The following JUN variants were observed in gnomAD, a reference collection of about 807,000 sequenced individuals.
The protein encoded by JUN is Jun proto-oncogene, AP-1 transcription factor subunit.
JUN carries 7 observed loss-of-function variants against 19.7 expected under a neutral mutation model. The observed-to-expected ratio is 0.36, with a 90% confidence interval of 0.20 to 0.67. The LOEUF (loss-of-function observed/expected upper bound fraction) is 0.67. Ranked by LOEUF, JUN falls within the 30% of genes least tolerant of loss-of-function variation. JUN has a pLI of 0.64. For synonymous variants in JUN, 246 were observed against 206.9 expected (o/e 1.19, Z -1.62); for missense variants, 373 against 451.0 (o/e 0.83, Z 1.57).
At position 58,783,153 on chromosome 1, in the gene JUN, G is replaced by T; in HGVS notation, c.-83C>A. On this transcript the variant is annotated 5_prime_UTR_variant, in exon 1 of 1. Transcript: ENST00000371222. ...CCGCAACAGGGCTGTGGCAAGCGGGGGACACCCGCGCCCCCCGGAGCCTTT... is the reference window on the plus strand; with the variant it reads ...CCGCAACAGGGCTGTGGCAAGCGGGTGACACCCGCGCCCCCCGGAGCCTTT... 1 of 1,526,552 alleles carries T rather than the reference G, an allele frequency of 6.6e-7. No homozygotes were observed. The highest frequency in any genetic ancestry group is 2.3e-5 in the East Asian group (1 of 43,998). 94.6% of individuals were successfully genotyped at this position (1,526,552 alleles called of 1,614,324 possible).
chr1:58,783,854 C>T lies in JUN; in HGVS notation c.-784G>A, dbSNP rs1011769136. 3 of 248,154 alleles carry T rather than the reference C, an allele frequency of 1.2e-5. No individual in the cohort carries two copies. The highest frequency in any genetic ancestry group is 6.6e-5 in the African/African-American group (3 of 45,358). The allele number at this position is 248,154 out of a possible 1,614,324, so 15.4% of individuals were successfully genotyped here. On this transcript the variant is annotated 5_prime_UTR_variant, in exon 1 of 1. Transcript: ENST00000371222. Reference sequence around the variant, plus strand: ...GCGGCTGGAGACCAGGCTCTCTGGACACTCCCGAAACACCAGCCCGGGAGC... The same window carrying T: ...GCGGCTGGAGACCAGGCTCTCTGGATACTCCCGAAACACCAGCCCGGGAGC...
In JUN at chr1:58,782,892, A is replaced by T. The variant is rs1434946325; in HGVS notation, c.179T>A (p.Leu60His). Residue 60 changes from leucine to histidine, a missense_variant, in exon 1 of 1, where the codon CTC becomes CAC. Around this residue, in one of 4 missense-constraint regions of JUN, gnomAD observed 113 missense variants for 136.9 expected, o/e 0.83. Transcript: ENST00000371222. This position sits in a 1 kb window ranked among gnomAD's most constrained non-coding sequence, Gnocchi z 8.7. Reference protein sequence around the residue: ...KPHLRAKNSDLLTSPDVGLLK... With the variant: ...KPHLRAKNSDHLTSPDVGLLK... Reference sequence around the variant, plus strand: ...CAGCCCCACGTCGGGCGAGGTGAGGAGGTCCGAGTTCTTGGCGCGGAGGTG... The same window carrying T: ...CAGCCCCACGTCGGGCGAGGTGAGGTGGTCCGAGTTCTTGGCGCGGAGGTG... 1.9e-6 allele frequency: 3 copies of T among 1,614,136 alleles called. No individual in the cohort carries two copies. The highest frequency in any genetic ancestry group is 2.5e-6 in the Non-Finnish European group (3 of 1,180,022).
Position 58,783,127 on chromosome 1 carries a change from G to T in JUN, c.-57C>A. ...TTGGGCTGCGCGCACAAGTTTCGGGGCCGCAACAGGGCTGTGGCAAGCGGG... is the reference window on the plus strand; with the variant it reads ...TTGGGCTGCGCGCACAAGTTTCGGGTCCGCAACAGGGCTGTGGCAAGCGGG... On this transcript the variant is annotated 5_prime_UTR_variant, in exon 1 of 1. Coordinates refer to ENST00000371222, the MANE Select transcript of JUN (RefSeq NM_002228.4). 1 of 1,562,606 alleles carries T rather than the reference G, an allele frequency of 6.4e-7. No individual in the cohort carries two copies. The highest frequency in any genetic ancestry group is 1.2e-5 in the South Asian group (1 of 83,768).
In JUN at chr1:58,783,415, C is replaced by A. The variant is rs1414195003; in HGVS notation, c.-345G>T. 3 of 344,906 alleles carry A rather than the reference C, an allele frequency of 8.7e-6. No individual in the cohort carries two copies. Among genetic ancestry groups the A allele is most frequent in the African/African-American group, 2.0e-5 (1 of 49,438 alleles). The allele number at this position is 344,906 out of a possible 1,614,324, so 21.4% of individuals were successfully genotyped here. On this transcript the variant is annotated 5_prime_UTR_variant, in exon 1 of 1. Coordinates refer to ENST00000371222, the MANE Select transcript of JUN (RefSeq NM_002228.4). Reference sequence around the variant, plus strand: ...ACTCACTTCCCAGAGCAGCGGCTCTCCCCGCGGAGCGGATCAGTGCGGACC... The same window carrying A: ...ACTCACTTCCCAGAGCAGCGGCTCTACCCGCGGAGCGGATCAGTGCGGACC...
chr1:58,783,050 C>G lies in JUN; in HGVS notation c.21G>C (p.Thr7=). MTAKME[T]TFYDDALNAS... ...CGTTGAGGGCATCGTCATAGAAGGT[C>G]GTTTCCATCTTTGCAGTCATAGAAC... Residue 7 remains threonine, a synonymous_variant, in exon 1 of 1, where the codon ACG becomes ACC. Transcript: ENST00000371222. 6.2e-7 allele frequency: 1 copy of G among 1,613,904 alleles called. No individual in the cohort carries two copies. Among genetic ancestry groups the G allele is most frequent in the South Asian group, 1.1e-5 (1 of 91,034 alleles).
rs186820812 is a variant in JUN at position 58,782,876 on chromosome 1, G to A, written c.195C>T (p.Asp65=). Residue 65 remains aspartate, a synonymous_variant, in exon 1 of 1, where the codon GAC becomes GAT. Transcript: ENST00000371222. This position sits in a 1 kb window ranked among gnomAD's most constrained non-coding sequence, Gnocchi z 8.7. ...AKNSDLLTSP[D]VGLLKLASPE... is the part of the protein sequence containing the mutation. Reference sequence around the variant, plus strand: ...GCGACGCCAGCTTGAGCAGCCCCACGTCGGGCGAGGTGAGGAGGTCCGAGT... The same window carrying A: ...GCGACGCCAGCTTGAGCAGCCCCACATCGGGCGAGGTGAGGAGGTCCGAGT... The A allele has an allele frequency of 1.2e-6, 2 of 1,614,206 alleles. No homozygotes were observed. The highest frequency in any genetic ancestry group is 2.7e-5 in the African/African-American group (2 of 75,068).
chr1:58,783,339 C>A lies in JUN; in HGVS notation c.-269G>T. On this transcript the variant is annotated 5_prime_UTR_variant, in exon 1 of 1. Transcript: ENST00000371222. Reference sequence around the variant, plus strand: ...CTACCCGGCTTTGAAAAGTCGCGGTCACTCACTGAGCGCTCTTCGTGCGCA... The same window carrying A: ...CTACCCGGCTTTGAAAAGTCGCGGTAACTCACTGAGCGCTCTTCGTGCGCA... 2.1e-6 allele frequency: 1 copy of A among 477,414 alleles called. No individual in the cohort carries two copies. The highest frequency in any genetic ancestry group is 3.9e-6 in the Non-Finnish European group (1 of 257,498). 29.6% of individuals were successfully genotyped at this position (477,414 alleles called of 1,614,324 possible). A position where few individuals can be genotyped will look rare whatever the true frequency, so the allele number is the denominator to read the frequency against.
Position 58,782,902 on chromosome 1 carries a change from T to C in JUN, c.169A>G (p.Asn57Asp), listed in dbSNP as rs900343413. The C allele has an allele frequency of 6.2e-7, 1 of 1,614,120 alleles. No homozygotes were observed. Residue 57 changes from asparagine (N) to aspartate (D), a missense_variant, in exon 1 of 1, where the codon AAC becomes GAC. Around this residue, in one of 4 missense-constraint regions of JUN, gnomAD observed 113 missense variants for 136.9 expected, o/e 0.83. Coordinates refer to ENST00000371222, the MANE Select transcript of JUN (RefSeq NM_002228.4). The surrounding 1 kb of genome is among the most constrained non-coding windows in gnomAD (Gnocchi z 8.7). ...GSLKPHLRAKNSDLLTSPDVG... is the reference protein window; with the variant it reads ...GSLKPHLRAKDSDLLTSPDVG... Reference sequence around the variant, plus strand: ...TCGGGCGAGGTGAGGAGGTCCGAGTTCTTGGCGCGGAGGTGCGGCTTCAGG... The same window carrying C: ...TCGGGCGAGGTGAGGAGGTCCGAGTCCTTGGCGCGGAGGTGCGGCTTCAGG...
In JUN at chr1:58,783,994, G is replaced by A. The variant is rs971832022; in HGVS notation, c.-924C>T. On this transcript the variant is annotated 5_prime_UTR_variant, in exon 1 of 1. Transcript: ENST00000371222. ...TGTGTCTGTCTGTCTGCCTGACTCC[G>A]CGCACCTCCACTCCCGCCTCGCTGC... 5 of 249,164 alleles carry A rather than the reference G, an allele frequency of 2.0e-5. No homozygotes were observed. The highest frequency in any genetic ancestry group is 1.8e-4 in the East Asian group (3 of 16,630). The allele number at this position is 249,164 out of a possible 1,614,324, so 15.4% of individuals were successfully genotyped here. A position where few individuals can be genotyped will look rare whatever the true frequency, so the allele number is the denominator to read the frequency against.
Position 58,783,235 on chromosome 1 carries a change from C to T in JUN, c.-165G>A, listed in dbSNP as rs1014508427. ...CCCGCTGGCTGTCGTCCCCGCTGCG[C>T]CCTCCTCACCAGCTCGCTCCAGGGA... On this transcript the variant is annotated 5_prime_UTR_variant, in exon 1 of 1. Coordinates refer to ENST00000371222, the MANE Select transcript of JUN (RefSeq NM_002228.4). The T allele has an allele frequency of 8.7e-6, 9 of 1,029,146 alleles. No individual in the cohort carries two copies. In the African/African-American group the frequency reaches 1.5e-4, roughly 17 times the overall value. 63.8% of individuals were successfully genotyped at this position (1,029,146 alleles called of 1,614,324 possible). A position where few individuals can be genotyped will look rare whatever the true frequency, so the allele number is the denominator to read the frequency against.
At position 58,781,312 on chromosome 1, in the gene JUN, T is replaced by C; in HGVS notation, c.*763A>G. Reference sequence around the variant, plus strand: ...TCTACAGATGATGCAGAAAAGAGGTTAGGGGAGTACTTTCCAATAGTTTAT... The same window carrying C: ...TCTACAGATGATGCAGAAAAGAGGTCAGGGGAGTACTTTCCAATAGTTTAT... On this transcript the variant is annotated 3_prime_UTR_variant, in exon 1 of 1. Transcript: ENST00000371222. The C allele has an allele frequency of 2.2e-5, 5 of 232,274 alleles. No homozygotes were observed. Among genetic ancestry groups the C allele is most frequent in the Non-Finnish European group, 4.3e-5 (5 of 117,240 alleles). The allele number at this position is 232,274 out of a possible 1,614,324, so 14.4% of individuals were successfully genotyped here.
Position 58,782,815 on chromosome 1 carries a change from C to T in JUN, c.256G>A (p.Gly86Arg). The T allele has an allele frequency of 6.2e-7, 1 of 1,613,846 alleles. No individual in the cohort carries two copies. Among genetic ancestry groups the T allele is most frequent in the Admixed American group, 1.7e-5 (1 of 60,014 alleles). ...LERLIIQSSN[G>R]HITTTPTPTQ... ...GGGGTCGGCGTGGTGGTGATGTGCC[C>T]GTTGCTGGACTGGATTATCAGGCGC... Residue 86 changes from glycine (G) to arginine (R), a missense_variant, in exon 1 of 1, where the codon GGG (glycine) becomes AGG (arginine). Physicochemically the swap from Gly to Arg is moderately radical, Grantham distance 125. Transcript: ENST00000371222. This position sits in a 1 kb window ranked among gnomAD's most constrained non-coding sequence, Gnocchi z 8.7.
chr1:58,782,882 C>A lies in JUN; in HGVS notation c.189G>T (p.Ser63=), dbSNP rs927947492. 4 of 1,614,028 alleles carry A rather than the reference C, an allele frequency of 2.5e-6. No homozygotes were observed. Among genetic ancestry groups the A allele is most frequent in the African/African-American group, 2.7e-5 (2 of 74,926 alleles). The change falls in exon 1 of 1, where the codon TCG becomes TCT. Residue 63 remains serine, a synonymous_variant. Transcript: ENST00000371222. This position sits in a 1 kb window ranked among gnomAD's most constrained non-coding sequence, Gnocchi z 8.7. ...CCAGCTTGAGCAGCCCCACGTCGGG[C>A]GAGGTGAGGAGGTCCGAGTTCTTGG... The part of the protein sequence containing the change: ...LRAKNSDLLT[S]PDVGLLKLAS...
Position 58,781,735 on chromosome 1 carries a change from T to G in JUN, c.*340A>C. 8.8e-5 allele frequency: 16 copies of G among 182,008 alleles called. No homozygotes were observed. The highest frequency in any genetic ancestry group is 5.1e-4 in the East Asian group (4 of 7,870). The allele number at this position is 182,008 out of a possible 1,614,324, so 11.3% of individuals were successfully genotyped here. ...TTTGTAACCCCCTCCCCCTCCCCCCTTTAATACTGAATGAGATCGAATGTT... is the reference window on the plus strand; with the variant it reads ...TTTGTAACCCCCTCCCCCTCCCCCCGTTAATACTGAATGAGATCGAATGTT... On this transcript the variant is annotated 3_prime_UTR_variant, in exon 1 of 1. Coordinates refer to ENST00000371222, the MANE Select transcript of JUN (RefSeq NM_002228.4).
At position 58,783,554 on chromosome 1, in the gene JUN, T is replaced by G; in HGVS notation, c.-484A>C. The G allele has an allele frequency of 4.0e-6, 1 of 249,072 alleles. No individual in the cohort carries two copies. Among genetic ancestry groups the G allele is most frequent in the Non-Finnish European group, 8.4e-6 (1 of 118,962 alleles). 15.4% of individuals were successfully genotyped at this position (249,072 alleles called of 1,614,324 possible). A position where few individuals can be genotyped will look rare whatever the true frequency, so the allele number is the denominator to read the frequency against. ...CAGCCGCGGCTCGCGCTCGCCCAAGTTCAACAACCGGTGCGAGCGAAGCTG... is the reference window on the plus strand; with the variant it reads ...CAGCCGCGGCTCGCGCTCGCCCAAGGTCAACAACCGGTGCGAGCGAAGCTG... On this transcript the variant is annotated 5_prime_UTR_variant, in exon 1 of 1. Coordinates refer to ENST00000371222, the MANE Select transcript of JUN (RefSeq NM_002228.4).
rs1046645922 is a variant in JUN at position 58,781,972 on chromosome 1, G to C, written c.*103C>G. 3.8e-6 allele frequency: 4 copies of C among 1,047,976 alleles called. No homozygotes were observed. Among genetic ancestry groups the C allele is most frequent in the Non-Finnish European group, 4.3e-6 (3 of 705,442 alleles). 64.9% of individuals were successfully genotyped at this position (1,047,976 alleles called of 1,614,324 possible). Reference sequence around the variant, plus strand: ...TTGGATACCCTTGGCTTTAGTTCTCGGACACTTCTTTTTTCTCTCCGTCGC... The same window carrying C: ...TTGGATACCCTTGGCTTTAGTTCTCCGACACTTCTTTTTTCTCTCCGTCGC... On this transcript the variant is annotated 3_prime_UTR_variant, in exon 1 of 1. Coordinates refer to ENST00000371222, the MANE Select transcript of JUN (RefSeq NM_002228.4).
rs1453538438 is a variant in JUN, at chr1:58,781,060, C to G, written c.*1015G>C. The G allele has an allele frequency of 1.7e-5, 4 of 232,858 alleles. No individual in the cohort carries two copies. Among genetic ancestry groups the G allele is most frequent in the Non-Finnish European group, 3.4e-5 (4 of 117,872 alleles). 14.4% of individuals were successfully genotyped at this position (232,858 alleles called of 1,614,324 possible). Reference sequence around the variant, plus strand: ...AGTGGGCTGTCCCTCTCCACTGCAACCCCCCTTCCTCCAGCCTCCTGAAAC... The same window carrying G: ...AGTGGGCTGTCCCTCTCCACTGCAAGCCCCCTTCCTCCAGCCTCCTGAAAC... On this transcript the variant is annotated 3_prime_UTR_variant, in exon 1 of 1. Transcript: ENST00000371222.
rs4647016 is a variant in JUN at position 58,781,546 on chromosome 1, T to A, written c.*529A>T. On this transcript the variant is annotated 3_prime_UTR_variant, in exon 1 of 1. Coordinates refer to ENST00000371222, the MANE Select transcript of JUN (RefSeq NM_002228.4). ...AATCAGCTTTCATCAAATTAAAAAA[T>A]ATATATATGTACATACACAGTTAAC... is the stretch of plus-strand genomic sequence containing the variant. 1,368 of 223,622 alleles carry A rather than the reference T, an allele frequency of 6.1e-3. 15 individuals are homozygous for A. Among genetic ancestry groups the A allele is most frequent in the African/African-American group, 0.029 (1,286 of 44,346 alleles). 13.9% of individuals were successfully genotyped at this position (223,622 alleles called of 1,614,324 possible). A position where few individuals can be genotyped will look rare whatever the true frequency, so the allele number is the denominator to read the frequency against.
Position 58,781,223 on chromosome 1 carries a change from G to A in JUN, c.*852C>T, listed in dbSNP as rs1645571726. 4.3e-6 allele frequency: 1 copy of A among 233,106 alleles called. No individual in the cohort carries two copies. The highest frequency in any genetic ancestry group is 8.5e-6 in the Non-Finnish European group (1 of 117,822). 14.4% of individuals were successfully genotyped at this position (233,106 alleles called of 1,614,324 possible). ...AACAGTTTTTACTGCTTAATAGTAAGAAGCACTGAGAGTGATTTTAATCGA... is the reference window on the plus strand; with the variant it reads ...AACAGTTTTTACTGCTTAATAGTAAAAAGCACTGAGAGTGATTTTAATCGA... On this transcript the variant is annotated 3_prime_UTR_variant, in exon 1 of 1. Coordinates refer to ENST00000371222, the MANE Select transcript of JUN (RefSeq NM_002228.4).
Sources: allele counts gnomAD v4.1 joint callset, GRCh38; gene constraint gnomAD v4.1.1; regional missense constraint gnomAD v4.1.1; non-coding constraint Gnocchi (gnomAD v3.1); transcripts MANE v1.5; gene names NCBI Gene and HGNC (gene_info 2026-07-23, HGNC 2026-07-21).